Variants in NXT2 observed in about 807,000 individuals in gnomAD.
The protein encoded by NXT2 is NTF2-related export protein 2.
NXT2 carries 1 observed loss-of-function variant against 9.6 expected under a neutral mutation model. The observed-to-expected ratio is 0.10, with a 90% CI of 0.04 to 0.49. NXT2 has a LOEUF of 0.49. Ranked by LOEUF, NXT2 falls within the 20% of genes least tolerant of loss-of-function variation. The pLI, the probability that NXT2 is intolerant of heterozygous loss-of-function variation, is 0.95. For missense variants in NXT2, 48 were observed against 100.3 expected, an observed-to-expected ratio of 0.48 and a Z score of 2.23; for synonymous variants, 22 against 35.4, an observed-to-expected ratio of 0.62 and a Z score of 1.34.
upstream of NXT2, chrX:109,535,987 C>T (rs1569391738): frequency 7.8e-6 from 9 of 1,146,648 alleles, no homozygotes; most frequent in African/African-American, 5.4e-5. Flanking sequence ...GGTAAAACTA[C>T]GACATCTAAT....
chrX:109,543,182 A>G lies in NXT2; in HGVS notation c.*494A>G, dbSNP rs188480757. The G allele has an allele frequency of 8.9e-6, 1 of 111,897 alleles. No individual in the cohort carries two copies. Among genetic ancestry groups the G allele is most frequent in the African/African-American group, 3.3e-5 (1 of 30,709 alleles). The allele number at this position is 111,897 out of a possible 1,213,427, so 9.2% of individuals were successfully genotyped here. On this transcript the variant is annotated 3_prime_UTR_variant, in exon 4 of 4. Transcript: ENST00000372106. ...AGTACAGATTTAGGTTTACATAACT[A>G]CTCTGACATACTGGAATTGCATATA...
chrX:109,539,563 A>G (rs1180733504), intron 2 of NXT2, among the ~76,000 whole-genome samples: 1 of 108,668 alleles, frequency 9.2e-6, no homozygotes, highest in African/African-American at 3.4e-5. Context: ...AATGATTGCC[A>G]TTCTGACTGG....
chrX:109,542,312 T>A (rs1301963186), intron 3 of NXT2, among the ~76,000 whole-genome samples, 195 bp from the exon 4 acceptor site: 1 of 111,519 alleles, frequency 9.0e-6, no homozygotes, highest in African/African-American at 3.3e-5. Context: ...GGACTGAAAA[T>A]AATTTTAATA....
At chrX:109,538,419 G>A (rs187990334) in intron 2 of NXT2, among the ~76,000 whole-genome samples, 149 of 111,293 alleles carry the variant, frequency 1.3e-3, no homozygotes, top group Admixed American at 2.4e-3. Flanking sequence ...TTAAAATACC[G>A]CACTTAACAT....
chrX:109,535,920 G>C (rs1433325678), upstream of NXT2: 9 of 1,206,034 alleles, frequency 7.5e-6, no homozygotes, highest in South Asian at 1.4e-4. Context: ...CAGGGAGACA[G>C]AGAAGGATAC....
chrX:109,542,975 T>C lies in NXT2; in HGVS notation c.*287T>C, dbSNP rs1933452192. 1 of 169,779 alleles carries C rather than the reference T, an allele frequency of 5.9e-6. No homozygotes were observed. Among genetic ancestry groups the C allele is most frequent in the African/African-American group, 3.0e-5 (1 of 33,083 alleles). The allele number at this position is 169,779 out of a possible 1,213,427, so 14.0% of individuals were successfully genotyped here. On this transcript the variant is annotated 3_prime_UTR_variant, in exon 4 of 4. Transcript: ENST00000372106. Reference sequence around the variant, plus strand: ...CATACTCACTGTGAACCCAGCCTATTGCAAAAATAAAATCTTTTTATAATA... The same window carrying C: ...CATACTCACTGTGAACCCAGCCTATCGCAAAAATAAAATCTTTTTATAATA...
upstream of NXT2, among the ~76,000 whole-genome samples, chrX:109,536,262 TTTAG>T (rs1349109469): frequency 8.9e-6 from 1 of 112,432 alleles, no homozygotes; most frequent in Non-Finnish European, 1.9e-5. Flanking sequence ...CACTCGACAT[TTTAG>T]TTATTGTTAG....
At chrX:109,536,825 T>A (rs1933283059), upstream of NXT2, 1 of 1,106,249 alleles carries the variant, frequency 9.0e-7, no homozygotes, top group Non-Finnish European at 1.2e-6. Context: ...GGTTGGAACA[T>A]CGGTGTGCTT....
intron 3 of NXT2, 64 bp downstream of exon 3, chrX:109,541,683 C>A: frequency 1.1e-6 from 1 of 910,606 alleles, no homozygotes; most frequent in Non-Finnish European, 1.5e-6. Flanking sequence ...AGCTTTTACA[C>A]CAAAAGCAGC....
chrX:109,539,271 C>T, intron 2 of NXT2, among the ~76,000 whole-genome samples: 1 of 112,163 alleles, frequency 8.9e-6, no homozygotes, highest in East Asian at 2.8e-4. Flanking sequence ...TCCAGTCTAA[C>T]ATTGATGGGC....
rs1209667772 is a variant in NXT2, at chrX:109,541,559, T to G, written c.187T>G (p.Phe63Val). The G allele has an allele frequency of 8.3e-7, 1 of 1,207,348 alleles. No individual in the cohort carries two copies. Among genetic ancestry groups the G allele is most frequent in the Non-Finnish European group, 1.1e-6 (1 of 891,876 alleles). The change falls in exon 3 of 4, where the codon TTT becomes GTT. Residue 63 changes from phenylalanine (F) to valine (V), a missense_variant. Phe to Val is a conservative substitution (Grantham distance 50). Transcript: ENST00000372106. ...AGGGCTGGATGCCCTAAATAATTTT[T>G]TTGACACATTGCCTTCTAGTGAGTT... Reference protein sequence around the residue: ...VSGLDALNNFFDTLPSSEFQV... With the variant: ...VSGLDALNNFVDTLPSSEFQV...
chrX:109,540,778 C>G (rs1321913272), intron 2 of NXT2, among the ~76,000 whole-genome samples: 1 of 111,560 alleles, frequency 9.0e-6, no homozygotes, highest in African/African-American at 3.3e-5. Context: ...TTCTTTTGAA[C>G]TAAGTACACT....
chrX:109,541,679 TACACC>T, intron 3 of NXT2, 60 bp downstream of exon 3: 1 of 958,234 alleles, frequency 1.0e-6, no homozygotes, highest in Non-Finnish European at 1.4e-6. Context: ...ACTGAGCTTT[TACACC>T]AAAAGCAGCG....
At chrX:109,536,786 T>A, upstream of NXT2, 2 of 1,032,723 alleles carry the variant, frequency 1.9e-6, no homozygotes, top group Non-Finnish European at 2.5e-6. Flanking sequence ...GGGAGGGATC[T>A]TCAGGAACTG....
In NXT2 at chrX:109,542,776, T is replaced by C. The variant is rs1933447877; in HGVS notation, c.*88T>C. On this transcript the variant is annotated 3_prime_UTR_variant, in exon 4 of 4. Coordinates refer to ENST00000372106, the MANE Select transcript of NXT2 (RefSeq NM_001242617.2). ...TTTTGATTGTAGAAGCACTATAATATGTGCTGAAACTAAATTTCTTTAATA... is the reference window on the plus strand; with the variant it reads ...TTTTGATTGTAGAAGCACTATAATACGTGCTGAAACTAAATTTCTTTAATA... 1.4e-6 allele frequency: 1 copy of C among 719,970 alleles called. No individual in the cohort carries two copies. The highest frequency in any genetic ancestry group is 3.6e-5 in the Admixed American group (1 of 27,660). The allele number at this position is 719,970 out of a possible 1,213,427, so 59.3% of individuals were successfully genotyped here.
intron 2 of NXT2, among the ~76,000 whole-genome samples, chrX:109,538,533 G>A (rs755109747): frequency 9.0e-6 from 1 of 111,212 alleles, no homozygotes; most frequent in Non-Finnish European, 1.9e-5. Context: ...GGGTCATTAC[G>A]GGGAATATTT....
Position 109,544,062 on chromosome X carries a change from A to G in NXT2, c.*1374A>G, listed in dbSNP as rs1407140921. 8.9e-6 allele frequency: 1 copy of G among 112,901 alleles called. No homozygotes were observed. The highest frequency in any genetic ancestry group is 1.9e-5 in the Non-Finnish European group (1 of 53,194). The allele number at this position is 112,901 out of a possible 1,213,427, so 9.3% of individuals were successfully genotyped here. A position where few individuals can be genotyped will look rare whatever the true frequency, so the allele number is the denominator to read the frequency against. On this transcript the variant is annotated 3_prime_UTR_variant, in exon 4 of 4. Transcript: ENST00000372106. ...CTTCATGATAATCCTCAAAAGAACA[A>G]AATGCTTAACTTTATCTCTTAATTT... is the stretch of plus-strand genomic sequence containing the variant.
chrX:109,536,300 C>CT (rs1277191730), upstream of NXT2, among the ~76,000 whole-genome samples: 2 of 112,539 alleles, frequency 1.8e-5, no homozygotes, highest in African/African-American at 6.5e-5. Context: ...ATAAATAGCC[C>CT]TTAAAAGATG....
chrX:109,538,760 C>G (rs1933345551), intron 2 of NXT2, among the ~76,000 whole-genome samples: 1 of 111,450 alleles, frequency 9.0e-6, no homozygotes. Context: ...GCCTAGGTCT[C>G]TTACCAGCAT....
Sources: allele counts gnomAD v4.1 joint callset (sites outside exome capture counted in the v4.1 genomes callset), GRCh38; gene constraint gnomAD v4.1.1; transcripts MANE v1.5; gene names NCBI Gene and HGNC (gene_info 2026-07-23, HGNC 2026-07-21).